Variants in ETV6 observed in about 807,000 individuals in gnomAD.
The protein encoded by ETV6 is ETS variant transcription factor 6.
In ETV6, 16 loss-of-function variants were observed where a neutral mutation model predicts 51.1. The ratio of observed to expected loss-of-function variants is 0.31; its 90% CI spans 0.21 to 0.48. The LOEUF (loss-of-function observed/expected upper bound fraction) is 0.48. Ranked by LOEUF, ETV6 falls within the 20% of genes least tolerant of loss-of-function variation. ETV6 has a pLI of 0.99. For synonymous variants in ETV6, 240 were observed against 224.1 expected, an observed-to-expected ratio of 1.07 and a Z score of -0.64; for missense variants, 458 against 594.8, an observed-to-expected ratio of 0.77 and a Z score of 2.39.
chr12:11,801,052 G>A (rs536393665), intron 2 of ETV6, among the ~76,000 whole-genome samples: 2 of 152,302 alleles, frequency 1.3e-5, no homozygotes, highest in South Asian at 4.1e-4. Context: ...CAAAAATATA[G>A]GTGAAGCAAA....
chr12:11,772,734 A>G (rs1591663044), intron 2 of ETV6, among the ~76,000 whole-genome samples: 1 of 152,228 alleles, frequency 6.6e-6, no homozygotes, highest in East Asian at 1.9e-4. Flanking sequence ...TAAGAATGGT[A>G]ATGCTCCATT....
Position 11,805,607 on chromosome 12 carries a change from T to C in ETV6, c.164-33533T>C, listed in dbSNP as rs76112801. On this transcript the variant is annotated intron_variant, in intron 2 of 7. Coordinates refer to ENST00000396373, the MANE Select transcript of ETV6 (RefSeq NM_001987.5). ...AATTGGGCAAAGAAGAAGGTAGGAT[T>C]ATTTCTGGGGAGGGGAACAGAGCCT... Among the ~76,000 whole-genome samples, 303 of 152,232 alleles carry C rather than the reference T, an allele frequency of 2.0e-3. 1 individual carries two copies. Among genetic ancestry groups the C allele is most frequent in the African/African-American group, 7.1e-3 (296 of 41,522 alleles).
At chr12:11,700,118 T>C (rs779160743) in intron 1 of ETV6, among the ~76,000 whole-genome samples, 12 of 152,186 alleles carry the variant, frequency 7.9e-5, no homozygotes, top group Non-Finnish European at 1.5e-4. Context: ...ACATTGGAGG[T>C]ACACACTGTG....
intron 2 of ETV6, among the ~76,000 whole-genome samples, chr12:11,790,973 G>A (rs865820328): frequency 1.8e-4 from 28 of 152,066 alleles, no homozygotes; most frequent in East Asian, 5.8e-4. Flanking sequence ...GAGCCATTGC[G>A]CCCGGCCAGA....
chr12:11,734,926 CT>C (rs1865674170), intron 1 of ETV6, among the ~76,000 whole-genome samples: 1 of 152,072 alleles, frequency 6.6e-6, no homozygotes, highest in African/African-American at 2.4e-5. Flanking sequence ...AACGTGGTCC[CT>C]AATGGTCTTT....
At chr12:11,813,368 C>T (rs966637681) in intron 2 of ETV6, among the ~76,000 whole-genome samples, 2 of 152,160 alleles carry the variant, frequency 1.3e-5, no homozygotes, top group South Asian at 2.1e-4. Context: ...GTGTGAACTG[C>T]GGGGCTGTCT....
In ETV6 at chr12:11,687,627, G is replaced by A. The variant is rs1173922372; in HGVS notation, c.33+37467G>A. ...TTCTAGCCAAAGTAATGCTTAATAAGTACAGTATTGTGCAATTATTGCTAA... is the reference window on the plus strand; with the variant it reads ...TTCTAGCCAAAGTAATGCTTAATAAATACAGTATTGTGCAATTATTGCTAA... On this transcript the variant is annotated intron_variant, in intron 1 of 7. Transcript: ENST00000396373. Among the ~76,000 whole-genome samples, 3 of 152,164 alleles carry A rather than the reference G, an allele frequency of 2.0e-5. No individual in the cohort carries two copies. The East Asian group carries it at 5.8e-4, about 29-fold the overall frequency.
chr12:11,827,107 C>A (rs979395291), intron 2 of ETV6, among the ~76,000 whole-genome samples: 2 of 145,512 alleles, frequency 1.4e-5, no homozygotes, highest in African/African-American at 5.3e-5. Context: ...CACACACACA[C>A]ACACAAATGC....
intron 1 of ETV6, among the ~76,000 whole-genome samples, chr12:11,712,083 T>C (rs576283612): frequency 7.6e-4 from 116 of 152,326 alleles, no homozygotes; most frequent in African/African-American, 2.6e-3. Flanking sequence ...CAAAGCGTTC[T>C]GTTTAATCCT....
intron 1 of ETV6, among the ~76,000 whole-genome samples, chr12:11,734,256 G>C (rs771472395): frequency 5.3e-5 from 8 of 152,168 alleles, no homozygotes; most frequent in Non-Finnish European, 1.0e-4. Context: ...AGTCCCCTAT[G>C]TAATTAGGTG....
chr12:11,780,460 G>GA (rs910671586), intron 2 of ETV6, among the ~76,000 whole-genome samples: 31 of 150,750 alleles, frequency 2.1e-4, no homozygotes, highest in East Asian at 5.8e-4. Context: ...TAATCACAGA[G>GA]AAAAAAAAAG....
intron 3 of ETV6, among the ~76,000 whole-genome samples, chr12:11,842,995 G>T (rs1468358382): frequency 6.6e-6 from 1 of 152,220 alleles, no homozygotes; most frequent in Non-Finnish European, 1.5e-5. Context: ...GGCCAGGGCT[G>T]GGAATAATAG....
chr12:11,773,977 G>C (rs1314046221), intron 2 of ETV6, among the ~76,000 whole-genome samples: 1 of 152,102 alleles, frequency 6.6e-6, no homozygotes, highest in Admixed American at 6.5e-5. Flanking sequence ...CCACAGAGAA[G>C]AGAGAGAGAG....
chr12:11,720,027 T>C (rs1310167544), intron 1 of ETV6, among the ~76,000 whole-genome samples: 3 of 152,194 alleles, frequency 2.0e-5, no homozygotes, highest in Non-Finnish European at 2.9e-5. Context: ...ATGCCTGGTC[T>C]CCCACGAATC....
At chr12:11,832,388 CG>C (rs879871938) in intron 2 of ETV6, among the ~76,000 whole-genome samples, 1 of 152,136 alleles carries the variant, frequency 6.6e-6, no homozygotes, top group Non-Finnish European at 1.5e-5. Context: ...GCTCTTGGCC[CG>C]GACAAATGAC....
chr12:11,745,796 A>G (rs556874838), intron 1 of ETV6, among the ~76,000 whole-genome samples: 45 of 152,224 alleles, frequency 3.0e-4, no homozygotes, highest in Non-Finnish European at 5.1e-4. Context: ...CGTTGTTGTT[A>G]AAGACAATGT....
chr12:11,739,403 C>G lies in ETV6; in HGVS notation c.34-13047C>G, dbSNP rs535497681. 6.6e-5 allele frequency among the ~76,000 whole-genome samples: 10 copies of G among 152,266 alleles called. 1 individual carries two copies. The highest frequency in any genetic ancestry group is 2.4e-4 in the African/African-American group (10 of 41,556). On this transcript the variant is annotated intron_variant, in intron 1 of 7. Transcript: ENST00000396373. ...ATCCAACCTGCAGTGCACATGCTCG[C>G]CACTGGCACTGGGGATGGTGAGTGC...
At chr12:11,744,295 A>G (rs1865868322) in intron 1 of ETV6, among the ~76,000 whole-genome samples, 1 of 152,240 alleles carries the variant, frequency 6.6e-6, no homozygotes, top group Non-Finnish European at 1.5e-5. Context: ...TAAAGGGAAT[A>G]GCATTAATGG....
chr12:11,745,679 A>G (rs1259347797), intron 1 of ETV6, among the ~76,000 whole-genome samples: 1 of 152,162 alleles, frequency 6.6e-6, no homozygotes, highest in East Asian at 1.9e-4. Context: ...TAGGCACCAA[A>G]TAGATGTTGG....
Sources: allele counts gnomAD v4.1 joint callset (sites outside exome capture counted in the v4.1 genomes callset), GRCh38; gene constraint gnomAD v4.1.1; transcripts MANE v1.5; gene names NCBI Gene and HGNC (gene_info 2026-07-23, HGNC 2026-07-21).